Variants in PTPRR observed in about 807,000 individuals in gnomAD.
PTPRR encodes the protein protein tyrosine phosphatase receptor type R.
A neutral mutation model predicts 77.2 loss-of-function variants in PTPRR; 38 were observed. The observed-to-expected ratio is 0.49, with a 90% CI of 0.38 to 0.65. The LOEUF is 0.65. PTPRR is among the 30% of genes least tolerant of loss of function. The probability of loss-of-function intolerance (pLI) is 0.00; values close to 1 mark genes in which losing one functional copy is unlikely to be tolerated. For synonymous variants in PTPRR, 299 were observed against 283.1 expected, an observed-to-expected ratio of 1.06 and a Z score of -0.57; for missense variants, 744 against 799.2, an observed-to-expected ratio of 0.93 and a Z score of 0.83.
intron 10 of PTPRR, among the ~76,000 whole-genome samples, chr12:70,677,915 G>A (rs1159033605): frequency 6.6e-6 from 1 of 152,144 alleles, no homozygotes; most frequent in Non-Finnish European, 1.5e-5. Flanking sequence ...TGCTGGCCTT[G>A]TAGAATGAGT....
intron 2 of PTPRR, among the ~76,000 whole-genome samples, chr12:70,852,014 A>G (rs1027179293): frequency 2.0e-5 from 3 of 152,154 alleles, no homozygotes; most frequent in Admixed American, 6.5e-5. Flanking sequence ...TTTAGGCTTT[A>G]AAGTTAGCTG....
intron 2 of PTPRR, among the ~76,000 whole-genome samples, chr12:70,791,658 T>A (rs548307845): frequency 6.6e-6 from 1 of 152,292 alleles, no homozygotes; most frequent in East Asian, 1.9e-4. Context: ...TTTGGATGAA[T>A]GAATAAAGCA....
intron 9 of PTPRR, among the ~76,000 whole-genome samples, chr12:70,684,492 G>A (rs7958993): frequency 6.6e-6 from 1 of 152,090 alleles, no homozygotes; most frequent in Non-Finnish European, 1.5e-5. Flanking sequence ...TACCCATATA[G>A]AGCACTGTTG....
At chr12:70,647,200 G>C (rs1342756229) in intron 13 of PTPRR, among the ~76,000 whole-genome samples, 2 of 152,098 alleles carry the variant, frequency 1.3e-5, no homozygotes, top group African/African-American at 2.4e-5. Context: ...GAAAAAAAAG[G>C]CCTTGGAATA....
rs73329569 is a variant in PTPRR, at chr12:70,675,813, G to A, written c.1497+8314C>T. 7.6e-3 allele frequency among the ~76,000 whole-genome samples: 1,145 copies of A among 151,632 alleles called. 15 individuals are homozygous for A. The highest frequency in any genetic ancestry group is 0.026 in the African/African-American group (1,091 of 41,416). ...TAGATTTGTTGGGTATAAAGTTCTGGGTAGTCAAGTATTTTCTTTCAGTTC... is the reference window on the plus strand; with the variant it reads ...TAGATTTGTTGGGTATAAAGTTCTGAGTAGTCAAGTATTTTCTTTCAGTTC... On this transcript the variant is annotated intron_variant, in intron 10 of 13. Coordinates refer to ENST00000283228, the MANE Select transcript of PTPRR (RefSeq NM_002849.4).
intron 6 of PTPRR, among the ~76,000 whole-genome samples, chr12:70,742,813 C>T (rs1477547399): frequency 2.0e-5 from 3 of 151,814 alleles, no homozygotes; most frequent in Admixed American, 1.3e-4. Context: ...GCCAGGTCTT[C>T]ATAATGTTCG....
rs150514515 is a variant in PTPRR, at chr12:70,801,742, A to AATCTATCTATCTATCTATCTATCT, written c.358-36965_358-36964insAGATAGATAGATAGATAGATAGAT. On this transcript the variant is annotated intron_variant, in intron 2 of 13. Transcript: ENST00000283228. ...ACCACATGAGCCACTCCTTATAATA[A>AATCTATCTATCTATCTATCTATCT]ATCTATCTATCTATCTATCTATAGC... Among the ~76,000 whole-genome samples the AATCTATCTATCTATCTATCTATCT allele has an allele frequency of 3.9e-4, 59 of 151,684 alleles. No individual in the cohort carries two copies. In the South Asian group the frequency reaches 7.7e-3, roughly 20 times the overall value.
At chr12:70,658,362 A>G (rs1175902730) in intron 12 of PTPRR, among the ~76,000 whole-genome samples, 1 of 152,144 alleles carries the variant, frequency 6.6e-6, no homozygotes, top group Non-Finnish European at 1.5e-5. Flanking sequence ...AATAGCACCT[A>G]TTTCTCACAT....
At chr12:70,842,666 T>A (rs1303563126) in intron 2 of PTPRR, among the ~76,000 whole-genome samples, 1 of 152,236 alleles carries the variant, frequency 6.6e-6, no homozygotes, top group Non-Finnish European at 1.5e-5. Flanking sequence ...AATCTACCTC[T>A]GTATTTCTCT....
intron 4 of PTPRR, among the ~76,000 whole-genome samples, chr12:70,755,730 T>C (rs545772890): frequency 1.3e-5 from 2 of 149,844 alleles, no homozygotes; most frequent in South Asian, 4.3e-4. Context: ...GATATATAAA[T>C]GATAAATCGA....
intron 13 of PTPRR, among the ~76,000 whole-genome samples, chr12:70,644,763 G>A (rs1886135798): frequency 6.6e-6 from 1 of 152,184 alleles, no homozygotes; most frequent in Non-Finnish European, 1.5e-5. Flanking sequence ...GGAGAACCAA[G>A]AGCAAATCTG....
At chr12:70,797,989 T>C (rs1891545836) in intron 2 of PTPRR, among the ~76,000 whole-genome samples, 1 of 152,216 alleles carries the variant, frequency 6.6e-6, no homozygotes, top group African/African-American at 2.4e-5. Flanking sequence ...TCAGCCAAAG[T>C]CTTTCCTCTG....
At chr12:70,914,096 T>C (rs923714816) in intron 1 of PTPRR, among the ~76,000 whole-genome samples, 1 of 152,114 alleles carries the variant, frequency 6.6e-6, no homozygotes, top group African/African-American at 2.4e-5. Context: ...CTATGCCTGA[T>C]CAACATTTGA....
chr12:70,762,397 T>C lies in PTPRR; in HGVS notation c.472-771A>G, dbSNP rs548261596. On this transcript the variant is annotated intron_variant, in intron 3 of 13. Coordinates refer to ENST00000283228, the MANE Select transcript of PTPRR (RefSeq NM_002849.4). ...CTAATAGAAGGAAATTATTCTTAGC[T>C]TTCTTTCTGACACATGGAGAGCTCT... Among the ~76,000 whole-genome samples the C allele has an allele frequency of 6.4e-4, 97 of 152,270 alleles. 2 individuals carry two copies. The Middle Eastern group carries it at 0.01, about 16-fold the overall frequency.
intron 8 of PTPRR, among the ~76,000 whole-genome samples, chr12:70,693,891 T>C (rs755190861): frequency 9.2e-5 from 14 of 152,128 alleles, no homozygotes; most frequent in Non-Finnish European, 1.9e-4. Flanking sequence ...TCATCTTCAG[T>C]TAGATAGGGA....
chr12:70,710,793 A>G (rs1592695043), intron 6 of PTPRR, among the ~76,000 whole-genome samples: 2 of 152,212 alleles, frequency 1.3e-5, no homozygotes. Flanking sequence ...CAATCATATG[A>G]AAAAAATCTC....
At chr12:70,867,424 C>G (rs1223602468) in intron 2 of PTPRR, among the ~76,000 whole-genome samples, 1 of 152,048 alleles carries the variant, frequency 6.6e-6, no homozygotes, top group East Asian at 1.9e-4. Flanking sequence ...CACGAGTGAA[C>G]TCCCATTCAC....
intron 8 of PTPRR, among the ~76,000 whole-genome samples, chr12:70,695,331 G>C (rs1387711250): frequency 1.3e-5 from 2 of 152,088 alleles, no homozygotes; most frequent in African/African-American, 4.8e-5. Flanking sequence ...AAACCATAAA[G>C]AACATCTTTG....
chr12:70,653,955 C>G (rs4351856), intron 13 of PTPRR, among the ~76,000 whole-genome samples: 61,066 of 151,940 alleles, frequency 0.4, 14,962 homozygotes, highest in African/African-American at 0.67. Context: ...AGAAAACAAA[C>G]AGGGAAGATA....
Sources: allele counts gnomAD v4.1 joint callset (sites outside exome capture counted in the v4.1 genomes callset), GRCh38; gene constraint gnomAD v4.1.1; transcripts MANE v1.5; gene names NCBI Gene and HGNC (gene_info 2026-07-23, HGNC 2026-07-21).